CSMD1: variants seen among roughly 807,000 people sequenced by gnomAD.
CSMD1 encodes the protein CUB and Sushi multiple domains 1.
CSMD1 carries 213 observed loss-of-function variants against 417.5 expected under a neutral mutation model. The ratio of observed to expected loss-of-function variants is 0.51; its 90% CI spans 0.46 to 0.57. The LOEUF is 0.57. CSMD1 is among the 20% of genes least tolerant of loss of function. The pLI is 0.00. For missense variants in CSMD1, 6,923 were observed against 4,529.7 expected (o/e 1.53, Z -15.17); for synonymous variants, 2,862 against 1,736.8 (o/e 1.65, Z -16.11).
At chr8:4,694,069 T>C (rs1806955756) in intron 1 of CSMD1, among the ~76,000 whole-genome samples, 1 of 152,092 alleles carries the variant, frequency 6.6e-6, no homozygotes, top group African/African-American at 2.4e-5. Flanking sequence ...CTGCCTCCCA[T>C]CCTATTCCAA....
At chr8:4,225,224 T>A (rs1801276576) in intron 3 of CSMD1, among the ~76,000 whole-genome samples, 2 of 152,214 alleles carry the variant, frequency 1.3e-5, no homozygotes. Flanking sequence ...CAGAGACGGC[T>A]AGTGAAAGGA....
At chr8:3,172,703 G>A (rs766300918) in intron 37 of CSMD1, among the ~76,000 whole-genome samples, 2 of 152,132 alleles carry the variant, frequency 1.3e-5, no homozygotes, top group Admixed American at 6.5e-5. Context: ...GGAGGTGGGA[G>A]GAAGGCCCAC....
intron 32 of CSMD1, among the ~76,000 whole-genome samples, chr8:3,200,855 AG>A (rs1180641066): frequency 1.3e-5 from 2 of 152,216 alleles, no homozygotes; most frequent in African/African-American, 4.8e-5. Flanking sequence ...AATTGGTCAA[AG>A]CTTGTGACGC....
At position 4,942,384 on chromosome 8, in the gene CSMD1, G is replaced by T. The variant is rs182502714; in HGVS notation, c.85+51948C>A. 5.0e-3 allele frequency among the ~76,000 whole-genome samples: 761 copies of T among 152,106 alleles called. 5 individuals carry two copies. The highest frequency in any genetic ancestry group is 7.8e-3 in the Non-Finnish European group (531 of 67,980). On this transcript the variant is annotated intron_variant, in intron 1 of 69. Transcript: ENST00000635120. Reference sequence around the variant, plus strand: ...TTGTAGTTTGATGTTTCTTTGCTGAGATTACTCTTATCATGTTGTACTGGA... The same window carrying T: ...TTGTAGTTTGATGTTTCTTTGCTGATATTACTCTTATCATGTTGTACTGGA...
intron 5 of CSMD1, among the ~76,000 whole-genome samples, chr8:3,906,165 G>T (rs984000615): frequency 1.3e-5 from 2 of 152,020 alleles, no homozygotes; most frequent in Admixed American, 6.6e-5. Flanking sequence ...CATACTACCT[G>T]CATTTGTGAT....
intron 2 of CSMD1, among the ~76,000 whole-genome samples, chr8:4,614,207 G>T (rs1801347719): frequency 6.6e-6 from 1 of 152,130 alleles, no homozygotes; most frequent in African/African-American, 2.4e-5. Context: ...GGCATTGGGG[G>T]CCAGCAAAGC....
intron 49 of CSMD1, among the ~76,000 whole-genome samples, chr8:3,075,351 G>A (rs1488695324): frequency 4.7e-5 from 7 of 148,710 alleles, no homozygotes; most frequent in Admixed American, 1.3e-4. Context: ...GTGTGATCTC[G>A]GCTCACCACA....
chr8:4,091,048 A>G (rs1228591027), intron 3 of CSMD1, among the ~76,000 whole-genome samples: 1 of 151,700 alleles, frequency 6.6e-6, no homozygotes, highest in Non-Finnish European at 1.5e-5. Flanking sequence ...CCTCACAAGT[A>G]TCTGGGTCTA....
intron 10 of CSMD1, among the ~76,000 whole-genome samples, chr8:3,516,734 G>A (rs997749899): frequency 6.6e-6 from 1 of 152,112 alleles, no homozygotes; most frequent in East Asian, 1.9e-4. Context: ...TTTGGGGCAT[G>A]CCTCACCACA....
chr8:4,311,900 G>A (rs533767116), intron 3 of CSMD1, among the ~76,000 whole-genome samples: 35 of 151,866 alleles, frequency 2.3e-4, no homozygotes, highest in African/African-American at 7.5e-4. Flanking sequence ...TACATGCAAC[G>A]AACCCCCATG....
intron 3 of CSMD1, among the ~76,000 whole-genome samples, chr8:4,275,990 T>G (rs1338784241): frequency 6.6e-6 from 1 of 152,160 alleles, no homozygotes; most frequent in East Asian, 1.9e-4. Context: ...GGAGAGACTG[T>G]GGAGAAATAG....
chr8:3,971,671 G>C (rs138105915), intron 5 of CSMD1, among the ~76,000 whole-genome samples: 1 of 152,050 alleles, frequency 6.6e-6, no homozygotes, highest in Non-Finnish European at 1.5e-5. Flanking sequence ...GAACATGGGG[G>C]TACTCAGAGG....
At chr8:3,088,283 G>T (rs1814684733) in intron 48 of CSMD1, among the ~76,000 whole-genome samples, 1 of 152,142 alleles carries the variant, frequency 6.6e-6, no homozygotes, top group Non-Finnish European at 1.5e-5. Context: ...TACTGCATAA[G>T]GCGAGGTCAC....
chr8:3,723,469 G>C (rs559417481), intron 6 of CSMD1, among the ~76,000 whole-genome samples: 2 of 152,200 alleles, frequency 1.3e-5, no homozygotes, highest in South Asian at 4.2e-4. Flanking sequence ...AACTACCTTA[G>C]GATCCTGTGT....
intron 3 of CSMD1, among the ~76,000 whole-genome samples, chr8:4,177,471 G>T (rs562533577): frequency 6.6e-6 from 1 of 152,056 alleles, no homozygotes; most frequent in African/African-American, 2.4e-5. Context: ...GTCCACAAGA[G>T]AAAGTAGGAA....
chr8:4,269,259 G>A (rs1267832799), intron 3 of CSMD1, among the ~76,000 whole-genome samples: 1 of 152,100 alleles, frequency 6.6e-6, no homozygotes, highest in Non-Finnish European at 1.5e-5. Context: ...GTTTCACCAT[G>A]TTGCCCAGGC....
At chr8:4,828,039 A>G (rs1006893078) in intron 1 of CSMD1, among the ~76,000 whole-genome samples, 7 of 152,120 alleles carry the variant, frequency 4.6e-5, no homozygotes, top group Admixed American at 1.3e-4. Flanking sequence ...GCTACAATCA[A>G]AAGAAGCGTA....
chr8:4,293,029 A>G (rs1434634925), intron 3 of CSMD1, among the ~76,000 whole-genome samples: 1 of 152,180 alleles, frequency 6.6e-6, no homozygotes, highest in Non-Finnish European at 1.5e-5. Context: ...AAGTGTGGTT[A>G]TGGCTTGAGA....
rs1394181975 is a variant in CSMD1 at position 3,252,974 on chromosome 8, TAGC to T, written c.4154-22746_4154-22744del. ...CTCTTTTCTTCTTTATTAGTTTTGC[TAGC>T]AGTCTATCAATTTTGTTGATCTTTT... On this transcript the variant is annotated intron_variant, in intron 26 of 69. Coordinates refer to ENST00000635120, the MANE Select transcript of CSMD1 (RefSeq NM_033225.6). Among the ~76,000 whole-genome samples, 3 of 152,228 alleles carry T rather than the reference TAGC, an allele frequency of 2.0e-5. No individual in the cohort carries two copies. The East Asian group carries it at 5.8e-4, about 29-fold the overall frequency.
Sources: allele counts gnomAD v4.1 joint callset (sites outside exome capture counted in the v4.1 genomes callset), GRCh38; gene constraint gnomAD v4.1.1; transcripts MANE v1.5; gene names NCBI Gene and HGNC (gene_info 2026-07-23, HGNC 2026-07-21).